PAQR5: variants seen among roughly 807,000 people sequenced by gnomAD.
PAQR5 encodes membrane progestin receptor gamma.
Under a neutral mutation model 34.5 loss-of-function variants are expected in PAQR5, and 20 were observed. The observed-to-expected ratio is 0.58, with a 90% CI of 0.41 to 0.84. The LOEUF (loss-of-function observed/expected upper bound fraction) is 0.84. PAQR5 is among the 40% of genes least tolerant of loss of function. PAQR5 has a pLI of 0.00. For missense variants in PAQR5, 378 were observed against 412.7 expected (o/e 0.92, Z 0.73); for synonymous variants, 131 against 155.6 (o/e 0.84, Z 1.18).
At chr15:69,317,274 G>T (rs924677840) in intron 1 of PAQR5, among the ~76,000 whole-genome samples, 2 of 152,212 alleles carry the variant, frequency 1.3e-5, no homozygotes, top group African/African-American at 4.8e-5. Context: ...ATACACACCA[G>T]GGGGAGTGGT....
At chr15:69,363,530 T>C (rs1260671435) in intron 3 of PAQR5, among the ~76,000 whole-genome samples, 4 of 142,828 alleles carry the variant, frequency 2.8e-5, no homozygotes, top group African/African-American at 7.8e-5. Context: ...GTCAAATTGC[T>C]AATCTGTTTT....
intron 2 of PAQR5, among the ~76,000 whole-genome samples, chr15:69,346,117 C>T (rs2054762031): frequency 6.6e-6 from 1 of 151,998 alleles, no homozygotes. Flanking sequence ...GTTTGAAATA[C>T]TAGAAATTAC....
At position 69,360,643 on chromosome 15, in the gene PAQR5, G is replaced by A. The variant is rs910575459; in HGVS notation, c.51+512G>A. On this transcript the variant is annotated intron_variant, in intron 3 of 8. Coordinates refer to ENST00000395407, the MANE Select transcript of PAQR5 (RefSeq NM_017705.4). ...CTGGGAGCTCACAGGCAGGTACCCT[G>A]AAATATGTGAGACTCACTGATGATC... is the stretch of plus-strand genomic sequence containing the variant. Among the ~76,000 whole-genome samples, 3 of 152,168 alleles carry A rather than the reference G, an allele frequency of 2.0e-5. No homozygotes were observed. In the East Asian group the frequency reaches 5.8e-4, roughly 29 times the overall value.
Position 69,342,267 on chromosome 15 carries a change from TTTATTATTA to T in PAQR5, c.-116+4802_-116+4810del, listed in dbSNP as rs144248170. ...CATGTGCCTATTGGTTGTTTGTTCT[TTTATTATTA>T]TTATTATTATTATTATTATTATTAT... is the stretch of plus-strand genomic sequence containing the variant. On this transcript the variant is annotated intron_variant, in intron 2 of 8. Transcript: ENST00000395407. 7.7e-4 allele frequency among the ~76,000 whole-genome samples: 115 copies of T among 149,314 alleles called. 1 individual carries two copies. Among genetic ancestry groups the T allele is most frequent in the African/African-American group, 1.7e-3 (69 of 40,658 alleles).
At chr15:69,324,854 T>C (rs1255933736) in intron 1 of PAQR5, among the ~76,000 whole-genome samples, 4 of 151,722 alleles carry the variant, frequency 2.6e-5, no homozygotes, top group Non-Finnish European at 5.9e-5. Flanking sequence ...CCCATAGCTG[T>C]GGCACTCCTA....
At chr15:69,336,549 C>T (rs964969979) in intron 1 of PAQR5, among the ~76,000 whole-genome samples, 1 of 152,084 alleles carries the variant, frequency 6.6e-6, no homozygotes, top group African/African-American at 2.4e-5. Context: ...CTTTGTCGAT[C>T]GTGTCTTTAA....
At chr15:69,329,463 C>CCT (rs1224567638) in intron 1 of PAQR5, among the ~76,000 whole-genome samples, 62 of 73,784 alleles carry the variant, frequency 8.4e-4, no homozygotes, top group African/African-American at 2.6e-3. Context: ...TTTTTTCTTT[C>CCT]TTTTTTTTTT....
Position 69,322,808 on chromosome 15 carries a change from AGAG to A in PAQR5, c.-276-14530_-276-14528del, listed in dbSNP as rs1261523581. ...AAGACGAGGAAGAAGAAGAAGAGGA[AGAG>A]GAAGAAGAAGAAGAAGAAGAAGAAG... On this transcript the variant is annotated intron_variant, in intron 1 of 8. Coordinates refer to ENST00000395407, the MANE Select transcript of PAQR5 (RefSeq NM_017705.4). Among the ~76,000 whole-genome samples, 346 of 131,446 alleles carry A rather than the reference AGAG, an allele frequency of 2.6e-3. 127 individuals carry two copies. Among genetic ancestry groups the A allele is most frequent in the African/African-American group, 0.01 (338 of 32,412 alleles). 86.2% of individuals were successfully genotyped at this position (131,446 alleles called of 152,430 possible). A position where few individuals can be genotyped will look rare whatever the true frequency, so the allele number is the denominator to read the frequency against.
Position 69,360,131 on chromosome 15 carries a change from GGTAT to G in PAQR5, c.51+3_51+6del. 1 of 1,611,164 alleles carries G rather than the reference GGTAT, an allele frequency of 6.2e-7. No individual in the cohort carries two copies. Among genetic ancestry groups the G allele is most frequent in the Non-Finnish European group, 8.5e-7 (1 of 1,177,370 alleles). On this transcript the variant is annotated splice_donor_variant and splice_donor_region_variant and intron_variant, in intron 3 of 8. Coordinates refer to ENST00000395407, the MANE Select transcript of PAQR5 (RefSeq NM_017705.4). LOFTEE classifies it high-confidence loss of function. ...TGTTTAGCATAGACCAGATACCCCAGGTATGTGCTCTATTGATTATGATGGTTCA... is the reference window on the plus strand; with the variant it reads ...TGTTTAGCATAGACCAGATACCCCAGGTGCTCTATTGATTATGATGGTTCA...
intron 1 of PAQR5, among the ~76,000 whole-genome samples, chr15:69,300,209 C>G (rs1161178306): frequency 1.3e-5 from 2 of 152,142 alleles, no homozygotes; most frequent in Non-Finnish European, 2.9e-5. Context: ...CAAGCAGACA[C>G]AAACTCCAGT....
At chr15:69,377,111 A>T (rs1486572075) in intron 3 of PAQR5, among the ~76,000 whole-genome samples, 5 of 152,246 alleles carry the variant, frequency 3.3e-5, no homozygotes, top group Non-Finnish European at 5.9e-5. Context: ...AGTCTAATTC[A>T]TATGAATGAG....
intron 2 of PAQR5, among the ~76,000 whole-genome samples, chr15:69,343,587 A>T (rs1031759128): frequency 6.6e-6 from 1 of 152,250 alleles, no homozygotes; most frequent in Non-Finnish European, 1.5e-5. Flanking sequence ...AACTTAAGCC[A>T]ATTGCTTATT....
chr15:69,316,942 G>C lies in PAQR5; in HGVS notation c.-277+17886G>C, dbSNP rs560664269. On this transcript the variant is annotated intron_variant, in intron 1 of 8. Coordinates refer to ENST00000395407, the MANE Select transcript of PAQR5 (RefSeq NM_017705.4). ...TTAAGCAATTCTCCTGCCTCAGTCTGCCAAGTAGCTGGGATTACAGGCACA... is the reference window on the plus strand; with the variant it reads ...TTAAGCAATTCTCCTGCCTCAGTCTCCCAAGTAGCTGGGATTACAGGCACA... Among the ~76,000 whole-genome samples the C allele has an allele frequency of 5.6e-4, 85 of 152,216 alleles. 1 individual carries two copies. Among genetic ancestry groups the C allele is most frequent in the African/African-American group, 1.9e-3 (80 of 41,528 alleles).
intron 8 of PAQR5, among the ~76,000 whole-genome samples, chr15:69,400,820 C>T (rs117045206): frequency 0.015 from 2,357 of 152,114 alleles, 24 homozygotes; most frequent in Non-Finnish European, 0.02. Context: ...GCATGGTGGA[C>T]GGGAGGGGGC....
chr15:69,299,369 A>T (rs2053471301), intron 1 of PAQR5, among the ~76,000 whole-genome samples: 1 of 152,102 alleles, frequency 6.6e-6, no homozygotes, highest in African/African-American at 2.4e-5. Flanking sequence ...CTCACTCTCC[A>T]GGGCGTTTGC....
At chr15:69,350,294 C>T (rs1387774932) in intron 2 of PAQR5, among the ~76,000 whole-genome samples, 3 of 152,188 alleles carry the variant, frequency 2.0e-5, no homozygotes, top group African/African-American at 7.2e-5. Flanking sequence ...TACGATCTTA[C>T]TTGATCTGTA....
rs941204072 is a variant in PAQR5, at chr15:69,385,818, TACAC to T, written c.385+941_385+944del. Among the ~76,000 whole-genome samples, 2 of 151,174 alleles carry T rather than the reference TACAC, an allele frequency of 1.3e-5. No homozygotes were observed. The highest frequency in any genetic ancestry group is 2.4e-5 in the African/African-American group (1 of 41,030). ...CATACAATGCACTCACACATGCACA[TACAC>T]ACACTCACCACATATACACAATACA... On this transcript the variant is annotated intron_variant, in intron 5 of 8. Coordinates refer to ENST00000395407, the MANE Select transcript of PAQR5 (RefSeq NM_017705.4). This position sits in a 1 kb window ranked among gnomAD's most constrained non-coding sequence, Gnocchi z 4.7.
chr15:69,344,159 C>T (rs1279365596), intron 2 of PAQR5, among the ~76,000 whole-genome samples: 1 of 152,178 alleles, frequency 6.6e-6, no homozygotes. Flanking sequence ...TTTAGGAACT[C>T]TTAGGCACAC....
chr15:69,323,110 A>G (rs2054166726), intron 1 of PAQR5, among the ~76,000 whole-genome samples: 1 of 152,222 alleles, frequency 6.6e-6, no homozygotes, highest in South Asian at 2.1e-4. Context: ...AGTGTGGAAC[A>G]TGGGGCAGGA....
Sources: allele counts gnomAD v4.1 joint callset (sites outside exome capture counted in the v4.1 genomes callset), GRCh38; gene constraint gnomAD v4.1.1; non-coding constraint Gnocchi (gnomAD v3.1); transcripts MANE v1.5; gene names NCBI Gene and HGNC (gene_info 2026-07-23, HGNC 2026-07-21).